CEMIP: variants seen among roughly 807,000 people sequenced by gnomAD.
CEMIP encodes cell migration inducing hyaluronidase 1.
In CEMIP, 105 loss-of-function variants were observed where a neutral mutation model predicts 156.9. The ratio of observed to expected loss-of-function variants is 0.67; its 90% CI spans 0.57 to 0.79. CEMIP has a LOEUF of 0.79. Among genes scored for constraint, CEMIP ranks in the 30% least tolerant of loss-of-function variants. The pLI is 0.00. For missense variants in CEMIP, 1,457 were observed against 1,769.4 expected (o/e 0.82, Z 3.17); for synonymous variants, 676 against 668.4 (o/e 1.01, Z -0.17).
intron 1 of CEMIP, among the ~76,000 whole-genome samples, chr15:80,872,952 A>T (rs1898346598): frequency 1.3e-5 from 2 of 152,246 alleles, no homozygotes; most frequent in Non-Finnish European, 2.9e-5. Flanking sequence ...TCCTCAGTGC[A>T]TGCATGGCTC....
rs546360020 is a variant in CEMIP, at chr15:80,792,760, G to A, written c.-176+13146G>A. Among the ~76,000 whole-genome samples, 26 of 152,274 alleles carry A rather than the reference G, an allele frequency of 1.7e-4. No homozygotes were observed. In the East Asian group the frequency reaches 2.1e-3, roughly 12 times the overall value. On this transcript the variant is annotated intron_variant, in intron 1 of 29. Transcript: ENST00000394685. The stretch of plus-strand genomic sequence containing the variant: ...CTAGAACAAGAATCTGAATGGCCAA[G>A]GCATGTGCTCTAGTGTTCCCTTGCA...
At chr15:80,916,533 G>T (rs1900281369) in intron 14 of CEMIP, among the ~76,000 whole-genome samples, 1 of 152,188 alleles carries the variant, frequency 6.6e-6, no homozygotes, top group South Asian at 2.1e-4. Flanking sequence ...GGCCACCCGT[G>T]AATCTATATG....
At chr15:80,888,843 G>A (rs1898940469) in intron 9 of CEMIP, 47 bp downstream of exon 9, 1 of 1,431,164 alleles carries the variant, frequency 7.0e-7, no homozygotes, top group African/African-American at 1.4e-5. Context: ...TGGGATAGAA[G>A]ACCAGAAATC....
chr15:80,867,956 G>A (rs2141789662), intron 1 of CEMIP, among the ~76,000 whole-genome samples: 1 of 152,270 alleles, frequency 6.6e-6, no homozygotes, highest in Non-Finnish European at 1.5e-5. Flanking sequence ...AAGGGTTTCT[G>A]CATCACAATT....
intron 14 of CEMIP, among the ~76,000 whole-genome samples, chr15:80,912,418 C>T (rs936561098): frequency 6.6e-6 from 1 of 152,188 alleles, no homozygotes; most frequent in Non-Finnish European, 1.5e-5. Flanking sequence ...GGCCATTGTA[C>T]AGACACTAGG....
intron 7 of CEMIP, among the ~76,000 whole-genome samples, chr15:80,884,730 T>TCACATAA (rs1898779038): frequency 6.6e-6 from 1 of 152,204 alleles, no homozygotes; most frequent in African/African-American, 2.4e-5. Context: ...GCTTGGGGTT[T>TCACATAA]TTCAGAGATT....
At chr15:80,925,551 G>A (rs780347813) in intron 18 of CEMIP, 73 bp from the exon 19 acceptor site, 198 of 1,592,348 alleles carry the variant, frequency 1.2e-4, no homozygotes, top group Non-Finnish European at 1.6e-4. Context: ...GAGGCTCACA[G>A]AGCCCAGAAG....
chr15:80,856,564 C>A (rs1897856698), intron 1 of CEMIP, among the ~76,000 whole-genome samples: 1 of 152,152 alleles, frequency 6.6e-6, no homozygotes, highest in South Asian at 2.1e-4. Context: ...TATGTGGAAT[C>A]CTGGGGTCCC....
chr15:80,862,276 G>A (rs1376776404), intron 1 of CEMIP, among the ~76,000 whole-genome samples: 1 of 152,238 alleles, frequency 6.6e-6, no homozygotes, highest in Non-Finnish European at 1.5e-5. Flanking sequence ...CTTTCCAGAT[G>A]AGGCTCACTT....
chr15:80,909,443 C>A, intron 14 of CEMIP, 137 bp downstream of exon 14: 1 of 864,248 alleles, frequency 1.2e-6, no homozygotes, highest in Non-Finnish European at 1.9e-6. Context: ...AGAAAGATAT[C>A]AACTGGGAGC....
intron 1 of CEMIP, among the ~76,000 whole-genome samples, chr15:80,801,162 A>T (rs1205238535): frequency 2.0e-5 from 3 of 152,200 alleles, no homozygotes; most frequent in East Asian, 3.8e-4. Context: ...TCTCCAATGT[A>T]TCAGTAAGCT....
chr15:80,833,105 A>G (rs892354835), intron 1 of CEMIP, among the ~76,000 whole-genome samples: 6 of 152,236 alleles, frequency 3.9e-5, no homozygotes, highest in African/African-American at 1.4e-4. Context: ...GTCAGTCATT[A>G]AAGTTAGTCC....
intron 1 of CEMIP, among the ~76,000 whole-genome samples, chr15:80,852,799 A>G (rs2141741692): frequency 6.6e-6 from 1 of 152,284 alleles, no homozygotes; most frequent in East Asian, 1.9e-4. Flanking sequence ...AAGTGTGTGC[A>G]GCGTTAAGTG....
chr15:80,829,651 A>G (rs368933645), intron 1 of CEMIP, among the ~76,000 whole-genome samples: 20 of 152,208 alleles, frequency 1.3e-4, no homozygotes, highest in African/African-American at 4.3e-4. Context: ...AACTGCTCTT[A>G]TCAATTAACT....
At chr15:80,816,397 T>C (rs983042946) in intron 1 of CEMIP, among the ~76,000 whole-genome samples, 2 of 152,174 alleles carry the variant, frequency 1.3e-5, no homozygotes, top group Non-Finnish European at 2.9e-5. Flanking sequence ...CGGACCTCTG[T>C]CTGCTTCCTA....
At chr15:80,925,860 T>C (rs1900643904) in intron 19 of CEMIP, 105 bp downstream of exon 19, 1 of 1,471,272 alleles carries the variant, frequency 6.8e-7, no homozygotes, top group Non-Finnish European at 9.0e-7. Context: ...AAGCCAGACA[T>C]ACTGACGTTT....
chr15:80,785,320 A>G (rs182716180), intron 1 of CEMIP, among the ~76,000 whole-genome samples: 1 of 152,340 alleles, frequency 6.6e-6, no homozygotes, highest in Admixed American at 6.5e-5. Context: ...AATGAAATTA[A>G]GGCCCAATTA....
At chr15:80,837,068 G>A (rs922379112) in intron 1 of CEMIP, among the ~76,000 whole-genome samples, 1 of 152,154 alleles carries the variant, frequency 6.6e-6, no homozygotes, top group Non-Finnish European at 1.5e-5. Context: ...TATTCTATCT[G>A]CAATCATCTG....
At chr15:80,924,774 C>A in intron 18 of CEMIP, 68 bp downstream of exon 18, 2 of 1,297,956 alleles carry the variant, frequency 1.5e-6, no homozygotes, top group Non-Finnish European at 2.2e-6. Context: ...CCCCCTCCTT[C>A]AATCACTCAT....
Sources: gnomAD v4.1 joint callset for allele counts (sites outside exome capture counted in the v4.1 genomes callset) on GRCh38, gnomAD v4.1.1 for gene constraint, MANE v1.5 for transcripts, NCBI Gene and HGNC (gene_info 2026-07-23, HGNC 2026-07-21) for gene names.